MGAT4C: variants seen among roughly 807,000 people sequenced by gnomAD.
The protein encoded by MGAT4C is alpha-1,3-mannosyl-glycoprotein 4-beta-N-acetylglucosaminyltransferase C.
MGAT4C carries 19 observed loss-of-function variants against 40.1 expected under a neutral mutation model. The ratio of observed to expected loss-of-function variants is 0.47; its 90% confidence interval spans 0.33 to 0.70. The LOEUF (loss-of-function observed/expected upper bound fraction) is 0.70. Among genes scored for constraint, MGAT4C ranks in the 30% least tolerant of loss-of-function variants. The pLI is 0.02. For synonymous variants in MGAT4C, 181 were observed against 187.1 expected (o/e 0.97, Z 0.27); for missense variants, 491 against 563.2 (o/e 0.87, Z 1.30).
At chr12:86,709,083 T>C (rs1236546358) in intron 2 of MGAT4C, among the ~76,000 whole-genome samples, 1 of 152,136 alleles carries the variant, frequency 6.6e-6, no homozygotes, top group Non-Finnish European at 1.5e-5. Flanking sequence ...CACCCAAATC[T>C]CATCTTGAAT....
At chr12:86,773,262 G>C (rs1951670335) in intron 1 of MGAT4C, among the ~76,000 whole-genome samples, 1 of 152,076 alleles carries the variant, frequency 6.6e-6, no homozygotes, top group South Asian at 2.1e-4. Flanking sequence ...GTCCTTATTA[G>C]AAGAGTAAAT....
At chr12:86,396,578 A>T (rs1357977050) in intron 3 of MGAT4C, among the ~76,000 whole-genome samples, 1 of 152,182 alleles carries the variant, frequency 6.6e-6, no homozygotes, top group African/African-American at 2.4e-5. Flanking sequence ...TGTTTCAAGT[A>T]TATTTTCTAA....
intron 1 of MGAT4C, among the ~76,000 whole-genome samples, chr12:86,751,809 TTTG>T (rs1248918213): frequency 1.3e-5 from 2 of 152,004 alleles, no homozygotes; most frequent in Admixed American, 6.6e-5. Context: ...TCCTTCAGCT[TTTG>T]TTATGTAAAT....
chr12:86,384,925 C>A (rs930575641), intron 3 of MGAT4C, among the ~76,000 whole-genome samples: 1 of 152,198 alleles, frequency 6.6e-6, no homozygotes, highest in East Asian at 1.9e-4. Context: ...GGTAGCTGTT[C>A]TCTTTCAGAT....
At chr12:86,233,821 T>C (rs905184217) in intron 1 of MGAT4C, among the ~76,000 whole-genome samples, 1 of 152,170 alleles carries the variant, frequency 6.6e-6, no homozygotes, top group Admixed American at 6.6e-5. Context: ...TATGTATACA[T>C]TCATTTTACA....
intron 2 of MGAT4C, among the ~76,000 whole-genome samples, chr12:86,658,206 A>T (rs1454666426): frequency 1.3e-5 from 2 of 152,094 alleles, no homozygotes; most frequent in African/African-American, 4.8e-5. Flanking sequence ...GGACCAATTC[A>T]TAAATTCAGT....
intron 2 of MGAT4C, among the ~76,000 whole-genome samples, chr12:86,530,161 G>T (rs1194826314): frequency 1.3e-5 from 2 of 151,778 alleles, no homozygotes; most frequent in Non-Finnish European, 2.9e-5. Context: ...CTTTACTTAG[G>T]ACTGGTCGTT....
intron 4 of MGAT4C, among the ~76,000 whole-genome samples, chr12:86,321,924 G>A (rs539352125): frequency 7.2e-5 from 11 of 152,068 alleles, no homozygotes; most frequent in African/African-American, 2.4e-4. Flanking sequence ...AAATGCACAC[G>A]TATGTTTATT....
chr12:86,060,250 T>G (rs1171455446), intron 1 of MGAT4C, among the ~76,000 whole-genome samples: 4 of 152,216 alleles, frequency 2.6e-5, no homozygotes, highest in Non-Finnish European at 5.9e-5. Flanking sequence ...AGAATTGTTT[T>G]TCAATTATAG....
chr12:86,269,386 A>G (rs1345241865), intron 4 of MGAT4C, among the ~76,000 whole-genome samples: 2 of 151,436 alleles, frequency 1.3e-5, no homozygotes, highest in African/African-American at 4.8e-5. Context: ...GGTCATTTAT[A>G]TAAGTGTAGT....
chr12:86,018,617 A>C (rs2136852958), intron 2 of MGAT4C, among the ~76,000 whole-genome samples: 1 of 152,346 alleles, frequency 6.6e-6, no homozygotes, highest in Non-Finnish European at 1.5e-5. Flanking sequence ...AAACATCATT[A>C]TAATTACATT....
chr12:86,443,196 G>A (rs967206002), intron 2 of MGAT4C, among the ~76,000 whole-genome samples: 12 of 146,078 alleles, frequency 8.2e-5, no homozygotes, highest in Admixed American at 2.7e-4. Context: ...GTGTGTGTGT[G>A]TATATATATA....
At chr12:86,173,581 A>G (rs982447147) in intron 1 of MGAT4C, among the ~76,000 whole-genome samples, 34 of 152,278 alleles carry the variant, frequency 2.2e-4, no homozygotes, top group African/African-American at 7.7e-4. Context: ...ATTTCCAAAA[A>G]TATACTTTTG....
intron 1 of MGAT4C, among the ~76,000 whole-genome samples, chr12:86,078,136 A>G (rs892379113): frequency 1.3e-5 from 2 of 152,138 alleles, no homozygotes; most frequent in African/African-American, 4.8e-5. Context: ...GGACCCATAA[A>G]TCATGGCTAT....
At chr12:86,283,807 T>C (rs1051431767) in intron 4 of MGAT4C, among the ~76,000 whole-genome samples, 2 of 152,114 alleles carry the variant, frequency 1.3e-5, no homozygotes, top group Admixed American at 1.3e-4. Context: ...GACATGTTTA[T>C]AGCTGTTGGA....
intron 1 of MGAT4C, among the ~76,000 whole-genome samples, chr12:86,762,692 G>C (rs967188681): frequency 6.6e-6 from 1 of 152,172 alleles, no homozygotes; most frequent in Non-Finnish European, 1.5e-5. Context: ...GAAGCCCTTT[G>C]AATATATTTT....
At chr12:86,042,419 T>A (rs190106556) in intron 2 of MGAT4C, among the ~76,000 whole-genome samples, 83 of 152,318 alleles carry the variant, frequency 5.4e-4, no homozygotes, top group Non-Finnish European at 5.6e-4. Flanking sequence ...GTTTCTGTAG[T>A]TAAATGCGTT....
intron 2 of MGAT4C, among the ~76,000 whole-genome samples, chr12:86,498,079 T>A (rs1958274854): frequency 6.7e-6 from 1 of 149,998 alleles, no homozygotes; most frequent in Non-Finnish European, 1.5e-5. Context: ...ATTACTGTAG[T>A]AGATTTTTGT....
At chr12:86,358,123 C>G (rs777485202) in intron 3 of MGAT4C, among the ~76,000 whole-genome samples, 1 of 152,202 alleles carries the variant, frequency 6.6e-6, no homozygotes, top group Non-Finnish European at 1.5e-5. Flanking sequence ...AGATTAATAG[C>G]TGATCTCTCA....
Sources: allele counts gnomAD v4.1 joint callset (sites outside exome capture counted in the v4.1 genomes callset), GRCh38; gene constraint gnomAD v4.1.1; transcripts MANE v1.5; gene names NCBI Gene and HGNC (gene_info 2026-07-23, HGNC 2026-07-21).